Variants in CHEK1 observed in about 807,000 individuals in gnomAD.
CHEK1 encodes the protein checkpoint kinase 1.
A neutral mutation model predicts 60.2 loss-of-function variants in CHEK1; 32 were observed. The observed-to-expected ratio is 0.53, with a 90% CI of 0.40 to 0.71. The LOEUF is 0.71. Ranked by LOEUF, CHEK1 falls within the 30% of genes least tolerant of loss-of-function variation. The probability of loss-of-function intolerance (pLI) is 0.00; values close to 1 mark genes in which losing one functional copy is unlikely to be tolerated. For missense variants in CHEK1, 399 were observed against 564.6 expected (o/e 0.71, Z 2.97); for synonymous variants, 179 against 187.2 (o/e 0.96, Z 0.36).
At chr11:125,648,581 C>CAA (rs1031745538) in intron 11 of CHEK1, among the ~76,000 whole-genome samples, 2 of 108,250 alleles carry the variant, frequency 1.8e-5, no homozygotes. Context: ...GACTCCGTCT[C>CAA]AAAAAAAAAA....
chr11:125,680,778 C>A, downstream of CHEK1: 1 of 1,613,624 alleles, frequency 6.2e-7, no homozygotes, highest in South Asian at 1.1e-5. Context: ...GAAACCTGTT[C>A]ATCTGGATTT....
At chr11:125,671,492 C>T (rs1054346837) in intron 13 of CHEK1, 1 of 152,084 alleles carries the variant, frequency 6.6e-6, no homozygotes, top group Non-Finnish European at 1.5e-5. Context: ...CAGTGAAGAG[C>T]TTGTTAGCAA....
chr11:125,667,741 C>T (rs1942125132), intron 13 of CHEK1, among the ~76,000 whole-genome samples: 1 of 152,134 alleles, frequency 6.6e-6, no homozygotes, highest in Non-Finnish European at 1.5e-5. Context: ...GTGTCTCAGC[C>T]TCCCAAGTAG....
At chr11:125,680,275 T>C (rs544477488), downstream of CHEK1, among the ~76,000 whole-genome samples, 1 of 152,268 alleles carries the variant, frequency 6.6e-6, no homozygotes, top group South Asian at 2.1e-4. Context: ...AACACAGCCA[T>C]GAAGAAGAGG....
At position 125,655,416 on chromosome 11, in the gene CHEK1, A is replaced by G; in HGVS notation, c.*96A>G. The G allele has an allele frequency of 1.3e-6, 1 of 783,298 alleles. No individual in the cohort carries two copies. The highest frequency in any genetic ancestry group is 2.1e-6 in the Non-Finnish European group (1 of 485,028). 48.5% of individuals were successfully genotyped at this position (783,298 alleles called of 1,614,324 possible). The stretch of plus-strand genomic sequence containing the variant: ...GATTATCCTGTCCTGCAAACTGCAA[A>G]TAGTAGTTCCTGAAGTGTTCACTTC... On this transcript the variant is annotated 3_prime_UTR_variant, in exon 13 of 13. Coordinates refer to ENST00000438015, the MANE Select transcript of CHEK1 (RefSeq NM_001114122.3).
chr11:125,639,497 C>T (rs1347988145), intron 8 of CHEK1, among the ~76,000 whole-genome samples: 1 of 150,038 alleles, frequency 6.7e-6, no homozygotes, highest in East Asian at 2.0e-4. Context: ...GTGCCTTAGC[C>T]ACCCGAGTAG....
chr11:125,629,194 A>T (rs1427913488), intron 3 of CHEK1, 38 bp from the exon 4 acceptor site: 4 of 1,595,936 alleles, frequency 2.5e-6, no homozygotes, highest in Non-Finnish European at 3.4e-6. Context: ...CTACCTGATT[A>T]TATTTAGTCA....
At position 125,626,899 on chromosome 11, in the gene CHEK1, T is replaced by C. The variant is rs1369591444; in HGVS notation, c.65+66T>C. 3 of 1,515,254 alleles carry C rather than the reference T, an allele frequency of 2.0e-6. No homozygotes were observed. In the Admixed American group the frequency reaches 5.1e-5, roughly 26 times the overall value. 93.9% of individuals were successfully genotyped at this position (1,515,254 alleles called of 1,614,324 possible). A position where few individuals can be genotyped will look rare whatever the true frequency, so the allele number is the denominator to read the frequency against. On this transcript the variant is annotated intron_variant, in intron 2 of 12. Transcript: ENST00000438015. The stretch of plus-strand genomic sequence containing the variant: ...TTCATTGTTTTGGAGTCTCACACTC[T>C]GGTGATTTAGAAAGTAGATGTTTGA...
chr11:125,629,250 C>T lies in CHEK1; in HGVS notation c.308C>T (p.Pro103Leu). Residue 103 changes from proline to leucine, a missense_variant, in exon 4 of 13, where the codon CCT becomes CTT. Physicochemically the swap from Pro to Leu is moderately conservative, Grantham distance 98. This residue lies in a region of CHEK1 where 370 missense variants were observed against 494.8 expected (regional missense o/e 0.75). Transcript: ENST00000438015. ...GTTTTAGAGCCAGACATAGGCATGC[C>T]TGAACCAGATGCTCAGAGATTCTTC... ...FDRIEPDIGM[P>L]EPDAQRFFHQ... 1 of 1,614,140 alleles carries T rather than the reference C, an allele frequency of 6.2e-7. No homozygotes were observed. The highest frequency in any genetic ancestry group is 8.5e-7 in the Non-Finnish European group (1 of 1,180,006).
At chr11:125,663,000 T>C (rs148301523) in intron 13 of CHEK1, among the ~76,000 whole-genome samples, 156 of 152,328 alleles carry the variant, frequency 1.0e-3, no homozygotes, top group Non-Finnish European at 2.0e-3. Flanking sequence ...TGTACTCATT[T>C]GTCATCTATG....
At chr11:125,669,426 T>C (rs1942155452) in intron 13 of CHEK1, among the ~76,000 whole-genome samples, 1 of 152,198 alleles carries the variant, frequency 6.6e-6, no homozygotes, top group African/African-American at 2.4e-5. Context: ...ATATGTAATG[T>C]ATCTTTTCTT....
chr11:125,675,411 G>A (rs1233593614), intron 13 of CHEK1, among the ~76,000 whole-genome samples: 2 of 152,116 alleles, frequency 1.3e-5, no homozygotes, highest in African/African-American at 4.8e-5. Flanking sequence ...TCATCTTTCT[G>A]TAGTTCATGG....
intron 13 of CHEK1, among the ~76,000 whole-genome samples, chr11:125,664,718 T>A (rs1942070089): frequency 6.6e-6 from 1 of 152,202 alleles, no homozygotes; most frequent in Admixed American, 6.5e-5. Flanking sequence ...TTTCTCCCAT[T>A]CTGTAGGTTG....
chr11:125,627,447 A>G lies in CHEK1; in HGVS notation c.66-160A>G, dbSNP rs492510. Among the ~76,000 whole-genome samples the G allele has an allele frequency of 0.39, 59,979 of 152,072 alleles. 12,262 individuals carry two copies. Among genetic ancestry groups the G allele is most frequent in the African/African-American group, 0.5 (20,756 of 41,442 alleles). Reference sequence around the variant, plus strand: ...GCTATTGTATTTCACATTTTAGAAAAGAGTAGTGTGTGTTGAGAACATAGC... The same window carrying G: ...GCTATTGTATTTCACATTTTAGAAAGGAGTAGTGTGTGTTGAGAACATAGC... On this transcript the variant is annotated intron_variant, in intron 2 of 12. Coordinates refer to ENST00000438015, the MANE Select transcript of CHEK1 (RefSeq NM_001114122.3).
chr11:125,645,380 T>C (rs1286245455), intron 11 of CHEK1, among the ~76,000 whole-genome samples: 1 of 152,164 alleles, frequency 6.6e-6, no homozygotes, highest in African/African-American at 2.4e-5. Context: ...AGTTATAACA[T>C]TGGTATTCTA....
At chr11:125,657,187 T>TTTTGTGTGTGTGTGTGTGTG (rs140073080), downstream of CHEK1, 1,484 of 147,206 alleles carry the variant, frequency 0.01, 25 homozygotes, top group South Asian at 0.016. Flanking sequence ...CAACCTATGC[T>TTTTGTGTGTGTGTGTGTGTG]TGTGTGTGTG....
At chr11:125,657,187 T>TTTTG (rs140073080), downstream of CHEK1, 18 of 147,220 alleles carry the variant, frequency 1.2e-4, no homozygotes, top group African/African-American at 4.0e-4. Context: ...CAACCTATGC[T>TTTTG]TGTGTGTGTG....
At chr11:125,678,591 AC>A (rs757925273), downstream of CHEK1, among the ~76,000 whole-genome samples, 1 of 152,016 alleles carries the variant, frequency 6.6e-6, no homozygotes, top group Non-Finnish European at 1.5e-5. Context: ...TGTACAAAAA[AC>A]CCCTGAAGGA....
chr11:125,681,063 T>TAAAAA, downstream of CHEK1: 1 of 168,388 alleles, frequency 5.9e-6, no homozygotes, highest in Non-Finnish European at 1.2e-5. The surrounding 1 kb of genome is among the most constrained non-coding windows in gnomAD (Gnocchi z 4.2). Context: ...GCCCTATCTT[T>TAAAAA]AAAAAAAAAA....
Sources: allele counts gnomAD v4.1 joint callset (sites outside exome capture counted in the v4.1 genomes callset), GRCh38; gene constraint gnomAD v4.1.1; regional missense constraint gnomAD v4.1.1; non-coding constraint Gnocchi (gnomAD v3.1); transcripts MANE v1.5; gene names NCBI Gene and HGNC (gene_info 2026-07-23, HGNC 2026-07-21).